Variants in DDX31 observed in about 807,000 individuals in gnomAD.
DDX31 encodes the protein ATP-dependent DNA helicase DDX31.
In DDX31, 70 loss-of-function variants were observed where a neutral mutation model predicts 91.3. The ratio of observed to expected loss-of-function variants is 0.77; its 90% confidence interval spans 0.63 to 0.94. The LOEUF (loss-of-function observed/expected upper bound fraction) is 0.94, where lower values mean the gene tolerates loss of function less well. Among genes scored for constraint, DDX31 ranks in the 40% least tolerant of loss-of-function variants. DDX31 has a pLI of 0.00. For missense variants in DDX31, 902 were observed against 925.0 expected (o/e 0.98, Z 0.32); for synonymous variants, 362 against 350.6 (o/e 1.03, Z -0.36).
At chr9:132,632,239 TGTACACACACACACACACACAC>T (rs1262425097) in intron 14 of DDX31, 148 bp from the exon 15 acceptor site, 3,190 of 53,436 alleles carry the variant, frequency 0.06, 308 homozygotes, top group African/African-American at 0.11. Flanking sequence ...GCCCAGTACG[TGTACACACACACACACACACAC>T]ACACACACAC....
At position 132,593,868 on chromosome 9, in the gene DDX31, G is replaced by C. The variant is rs1811075315; in HGVS notation, c.*998C>G. On this transcript the variant is annotated 3_prime_UTR_variant, in exon 20 of 20. Coordinates refer to ENST00000372159, the MANE Select transcript of DDX31 (RefSeq NM_022779.9). ...GAAACTGAGAAGGCAAGACACAGTGGAGAGGACAGGAGCGGTGCCCACAGG... is the reference window on the plus strand; with the variant it reads ...GAAACTGAGAAGGCAAGACACAGTGCAGAGGACAGGAGCGGTGCCCACAGG... 6.6e-6 allele frequency: 1 copy of C among 152,424 alleles called. No homozygotes were observed. Among genetic ancestry groups the C allele is most frequent in the African/African-American group, 2.4e-5 (1 of 41,430 alleles). The allele number at this position is 152,424 out of a possible 1,614,324, so 9.4% of individuals were successfully genotyped here.
At chr9:132,638,002 C>T (rs992453599) in intron 14 of DDX31, 4 of 1,111,396 alleles carry the variant, frequency 3.6e-6, no homozygotes, top group Non-Finnish European at 3.3e-6. Flanking sequence ...ACAGACAGAA[C>T]AGTATGCTTC....
chr9:132,665,428 T>G (rs1255998638), intron 1 of DDX31, among the ~76,000 whole-genome samples: 2 of 152,078 alleles, frequency 1.3e-5, no homozygotes, highest in Admixed American at 1.3e-4. Flanking sequence ...ACCTCTACAT[T>G]GGTGCTACAG....
chr9:132,607,917 A>G (rs1265865888), intron 19 of DDX31, among the ~76,000 whole-genome samples: 2 of 152,184 alleles, frequency 1.3e-5, no homozygotes, highest in Non-Finnish European at 2.9e-5. Context: ...TCGTGGCCCT[A>G]TTGAGCGTGC....
intron 18 of DDX31, among the ~76,000 whole-genome samples, chr9:132,616,716 C>T (rs1049480791): frequency 1.3e-5 from 2 of 150,160 alleles, no homozygotes; most frequent in African/African-American, 4.8e-5. Flanking sequence ...CTAGAGGTAG[C>T]AAGGTAGGAA....
chr9:132,649,695 T>C (rs935885054), intron 9 of DDX31, among the ~76,000 whole-genome samples: 4 of 152,368 alleles, frequency 2.6e-5, no homozygotes, highest in East Asian at 3.9e-4. Context: ...TGCATCATTA[T>C]TGAGTACTGA....
Position 132,648,169 on chromosome 9 carries a change from A to G in DDX31, c.967+20T>C, listed in dbSNP as rs746315954. 9.5e-6 allele frequency: 15 copies of G among 1,584,214 alleles called. No individual in the cohort carries two copies. Among genetic ancestry groups the G allele is most frequent in the East Asian group, 2.2e-5 (1 of 44,770 alleles). ...CTTCATTAAGAACAAAGAAGGACCC[A>G]TCACTTCTTTTCAACTCACCTTCTG... On this transcript the variant is annotated intron_variant, in intron 11 of 19. Transcript: ENST00000372159.
chr9:132,617,940 A>AT (rs1445381644), intron 18 of DDX31, among the ~76,000 whole-genome samples: 1 of 152,324 alleles, frequency 6.6e-6, no homozygotes, highest in East Asian at 1.9e-4. Flanking sequence ...CTTAGGTCTA[A>AT]TATTTCCAGC....
chr9:132,635,326 T>TA (rs1833037979), intron 14 of DDX31, among the ~76,000 whole-genome samples: 1 of 152,180 alleles, frequency 6.6e-6, no homozygotes, highest in South Asian at 2.1e-4. Context: ...CCCTTGTCTG[T>TA]ACTGTTACCT....
At chr9:132,642,118 G>C (rs1833542749) in intron 13 of DDX31, 55 bp from the exon 14 acceptor site, 2 of 1,526,612 alleles carry the variant, frequency 1.3e-6, no homozygotes, top group Non-Finnish European at 1.8e-6. Context: ...CTCCAGCAAG[G>C]TAGGCTTACA....
At chr9:132,597,596 A>G (rs1432650371) in intron 19 of DDX31, among the ~76,000 whole-genome samples, 1 of 152,238 alleles carries the variant, frequency 6.6e-6, no homozygotes, top group African/African-American at 2.4e-5. Flanking sequence ...AAGAACCAGC[A>G]TCTTACTGGA....
At chr9:132,601,546 G>T (rs1386483644) in intron 19 of DDX31, among the ~76,000 whole-genome samples, 2 of 152,194 alleles carry the variant, frequency 1.3e-5, no homozygotes, top group Non-Finnish European at 2.9e-5. Flanking sequence ...TCCATCAGTG[G>T]AGCCGCCATC....
chr9:132,640,334 C>T (rs530172351), intron 14 of DDX31, among the ~76,000 whole-genome samples: 3 of 152,030 alleles, frequency 2.0e-5, no homozygotes, highest in East Asian at 3.9e-4. Flanking sequence ...GAATCAAGGC[C>T]CCAAAGCTAG....
chr9:132,631,689 G>A (rs752669539), intron 15 of DDX31, among the ~76,000 whole-genome samples: 1 of 152,156 alleles, frequency 6.6e-6, no homozygotes, highest in South Asian at 2.1e-4. Flanking sequence ...CACGGCTCTC[G>A]GACAGCTGAG....
At chr9:132,606,433 G>T (rs1831028469) in intron 19 of DDX31, among the ~76,000 whole-genome samples, 1 of 152,208 alleles carries the variant, frequency 6.6e-6, no homozygotes, top group Non-Finnish European at 1.5e-5. Context: ...GATAAGAAAA[G>T]TTCAAGGGTG....
At chr9:132,614,978 T>C (rs1028207699) in intron 18 of DDX31, among the ~76,000 whole-genome samples, 18 of 152,156 alleles carry the variant, frequency 1.2e-4, no homozygotes, top group African/African-American at 4.1e-4. Flanking sequence ...CTGCAGAACC[T>C]TTCAAGGAGC....
Position 132,632,030 on chromosome 9 carries a change from TA to T in DDX31, c.1491+10del. The T allele has an allele frequency of 3.1e-6, 5 of 1,612,146 alleles. No homozygotes were observed. The highest frequency in any genetic ancestry group is 1.3e-5 in the African/African-American group (1 of 74,894). ...TGCCTAAAGCTTACACCTTAACAAC[TA>T]AAAAATTACCTGAACAATCCACGTG... On this transcript the variant is annotated intron_variant, in intron 15 of 19. Coordinates refer to ENST00000372159, the MANE Select transcript of DDX31 (RefSeq NM_022779.9).
chr9:132,605,187 C>T (rs1830940824), intron 19 of DDX31, among the ~76,000 whole-genome samples: 1 of 152,184 alleles, frequency 6.6e-6, no homozygotes, highest in East Asian at 1.9e-4. Flanking sequence ...TTCCTTTGTG[C>T]ACTTCCTCTC....
chr9:132,631,146 C>A (rs1352377794), intron 15 of DDX31, among the ~76,000 whole-genome samples: 1 of 152,234 alleles, frequency 6.6e-6, no homozygotes, highest in African/African-American at 2.4e-5. Context: ...ATCATTAAAG[C>A]TAATTGACCA....
Sources: gnomAD v4.1 joint callset for allele counts (sites outside exome capture counted in the v4.1 genomes callset) on GRCh38, gnomAD v4.1.1 for gene constraint, MANE v1.5 for transcripts, NCBI Gene and HGNC (gene_info 2026-07-23, HGNC 2026-07-21) for gene names.